Variants in ADAMTS5 observed in about 807,000 individuals in gnomAD.
The protein encoded by ADAMTS5 is ADAM metallopeptidase with thrombospondin type 1 motif 5, also known as A disintegrin and metalloproteinase with thrombospondin motifs 5.
Under a neutral mutation model 81.4 loss-of-function variants are expected in ADAMTS5, and 54 were observed. The observed-to-expected ratio is 0.66, with a 90% CI of 0.53 to 0.83. The LOEUF (loss-of-function observed/expected upper bound fraction) is 0.83. Ranked by LOEUF, ADAMTS5 falls within the 40% of genes least tolerant of loss-of-function variation. ADAMTS5 has a pLI of 0.00. For synonymous variants in ADAMTS5, 532 were observed against 508.8 expected (o/e 1.05, Z -0.61); for missense variants, 1,194 against 1,229.9 (o/e 0.97, Z 0.44).
At position 26,920,301 on chromosome 21, in the gene ADAMTS5, C is replaced by T. The variant is rs548877498; in HGVS notation, c.*3752G>A. 42 of 152,216 alleles carry T rather than the reference C, an allele frequency of 2.8e-4. No homozygotes were observed. The highest frequency in any genetic ancestry group is 9.9e-4 in the African/African-American group (41 of 41,558). The allele number at this position is 152,216 out of a possible 1,614,324, so 9.4% of individuals were successfully genotyped here. ...TTGCCAGGATCAGACTGTGAAATCACAGAGGCAAGCTGATGTCATCAGAGG... is the reference window on the plus strand; with the variant it reads ...TTGCCAGGATCAGACTGTGAAATCATAGAGGCAAGCTGATGTCATCAGAGG... On this transcript the variant is annotated 3_prime_UTR_variant, in exon 8 of 8. Coordinates refer to ENST00000284987, the MANE Select transcript of ADAMTS5 (RefSeq NM_007038.5).
chr21:26,953,939 G>C (rs1987369123), intron 2 of ADAMTS5: 1 of 153,640 alleles, frequency 6.5e-6, no homozygotes. Context: ...TAGGTATAAA[G>C]TAATTTAGCA....
chr21:26,948,921 C>T (rs1987265970), intron 2 of ADAMTS5, among the ~76,000 whole-genome samples: 1 of 152,096 alleles, frequency 6.6e-6, no homozygotes, highest in African/African-American at 2.4e-5. Context: ...AGAAAGTACC[C>T]TGTGTGTTAG....
Position 26,923,790 on chromosome 21 carries a change from T to TTTACA in ADAMTS5, c.*258_*262dup, listed in dbSNP as rs1235243140. 2 of 379,862 alleles carry TTTACA rather than the reference T, an allele frequency of 5.3e-6. No homozygotes were observed. Among genetic ancestry groups the TTTACA allele is most frequent in the Non-Finnish European group, 9.6e-6 (2 of 209,082 alleles). The allele number at this position is 379,862 out of a possible 1,614,324, so 23.5% of individuals were successfully genotyped here. On this transcript the variant is annotated 3_prime_UTR_variant, in exon 8 of 8. Coordinates refer to ENST00000284987, the MANE Select transcript of ADAMTS5 (RefSeq NM_007038.5). Reference sequence around the variant, plus strand: ...CTGCCATCTTCAAATGTCCCCTGATTTTACATTCATCAGTGTTTCTTGTAA... The same window carrying TTTACA: ...CTGCCATCTTCAAATGTCCCCTGATTTTACATTACATTCATCAGTGTTTCTTGTAA...
rs769543144 is a variant in ADAMTS5 at position 26,932,985 on chromosome 21, A to C, written c.1749T>G (p.Cys583Trp). The change falls in exon 5 of 8, where the codon TGT becomes TGG. Residue 583 changes from cysteine (C) to tryptophan (W), a missense_variant. Cys to Trp is a radical substitution (Grantham distance 215). Transcript: ENST00000284987. ...WGSWGQCSRS[C>W]GGGVQFAYRH... ...GATAGGCAAACTGCACTCCTCCTCC[A>C]CATGAGCGAGAACACTGGCCCCAGG... 1.2e-6 allele frequency: 2 copies of C among 1,614,028 alleles called. No homozygotes were observed. The highest frequency in any genetic ancestry group is 1.7e-6 in the Non-Finnish European group (2 of 1,179,994).
At chr21:26,937,120 A>T (rs1987029537) in intron 3 of ADAMTS5, among the ~76,000 whole-genome samples, 1 of 152,154 alleles carries the variant, frequency 6.6e-6, no homozygotes, top group Non-Finnish European at 1.5e-5. Context: ...AGTCAAAATA[A>T]CTCACCACCT....
chr21:26,940,703 T>C (rs1987098176), intron 3 of ADAMTS5, among the ~76,000 whole-genome samples: 1 of 152,126 alleles, frequency 6.6e-6, no homozygotes, highest in Admixed American at 6.5e-5. Context: ...ATGAGTAAAG[T>C]TAAAAGGTTT....
intron 7 of ADAMTS5, among the ~76,000 whole-genome samples, chr21:26,926,217 C>T (rs1986803198): frequency 6.6e-6 from 1 of 152,174 alleles, no homozygotes; most frequent in Non-Finnish European, 1.5e-5. Context: ...GCAGTGAGTG[C>T]ACCACTGCAC....
intron 3 of ADAMTS5, 103 bp from the exon 4 acceptor site, chr21:26,934,852 G>T: frequency 6.8e-7 from 1 of 1,465,984 alleles, no homozygotes; most frequent in South Asian, 1.3e-5. Context: ...TGGAGCACGA[G>T]GCACCCATGA....
rs1986632464 is a variant in ADAMTS5, at chr21:26,918,856, C to T, written c.*5197G>A. The T allele has an allele frequency of 6.6e-6, 1 of 151,628 alleles. No individual in the cohort carries two copies. Among genetic ancestry groups the T allele is most frequent in the South Asian group, 2.1e-4 (1 of 4,790 alleles). The allele number at this position is 151,628 out of a possible 1,614,324, so 9.4% of individuals were successfully genotyped here. On this transcript the variant is annotated 3_prime_UTR_variant, in exon 8 of 8. Coordinates refer to ENST00000284987, the MANE Select transcript of ADAMTS5 (RefSeq NM_007038.5). ...GACAGTTTGAATGGAATGCTGAGGA[C>T]TTAGTGAATGCTGAAATATGACTCA...
At chr21:26,942,368 T>C (rs1463993429) in intron 3 of ADAMTS5, among the ~76,000 whole-genome samples, 4 of 152,188 alleles carry the variant, frequency 2.6e-5, no homozygotes, top group African/African-American at 9.6e-5. Context: ...TATTCAACTT[T>C]GAACCGTATA....
At chr21:26,952,534 G>T (rs1987340224) in intron 2 of ADAMTS5, among the ~76,000 whole-genome samples, 1 of 152,208 alleles carries the variant, frequency 6.6e-6, no homozygotes, top group Non-Finnish European at 1.5e-5. Context: ...AAGCATCCCT[G>T]AAGAAGCTGC....
intron 3 of ADAMTS5, among the ~76,000 whole-genome samples, chr21:26,942,737 GT>G: frequency 6.6e-6 from 1 of 152,242 alleles, no homozygotes; most frequent in South Asian, 2.1e-4. Context: ...AATAAAGTAT[GT>G]TGTGCTCTTG....
chr21:26,926,806 A>G (rs1986813946), intron 7 of ADAMTS5, among the ~76,000 whole-genome samples: 1 of 152,190 alleles, frequency 6.6e-6, no homozygotes, highest in Non-Finnish European at 1.5e-5. Flanking sequence ...TTATGTGCAG[A>G]GTTTAAATGA....
rs939859127 is a variant in ADAMTS5 at position 26,966,754 on chromosome 21, C to A, written c.-363G>T. Among the ~76,000 whole-genome samples, 1 of 151,762 alleles carries A rather than the reference C, an allele frequency of 6.6e-6. No homozygotes were observed. Among genetic ancestry groups the A allele is most frequent in the Non-Finnish European group, 1.5e-5 (1 of 67,980 alleles). ...CCAAATGCAGGCACGATCGCTGTTTCAAGAAAAGTAAGGAAAGGTACCGCG... is the reference window on the plus strand; with the variant it reads ...CCAAATGCAGGCACGATCGCTGTTTAAAGAAAAGTAAGGAAAGGTACCGCG... On this transcript the variant is annotated 5_prime_UTR_variant, in exon 1 of 8. Coordinates refer to ENST00000284987, the MANE Select transcript of ADAMTS5 (RefSeq NM_007038.5).
At chr21:26,949,689 G>A (rs1016216004) in intron 2 of ADAMTS5, among the ~76,000 whole-genome samples, 1 of 152,150 alleles carries the variant, frequency 6.6e-6, no homozygotes, top group African/African-American at 2.4e-5. Context: ...ACTGACAATA[G>A]ACACAAAATC....
intron 3 of ADAMTS5, among the ~76,000 whole-genome samples, chr21:26,940,562 C>T (rs1281784978): frequency 6.6e-6 from 1 of 152,074 alleles, no homozygotes; most frequent in East Asian, 1.9e-4. Context: ...TCTAAAGTCT[C>T]CCCACCCTCA....
chr21:26,929,914 T>C lies in ADAMTS5; in HGVS notation c.2197A>G (p.Lys733Glu). The C allele has an allele frequency of 6.2e-7, 1 of 1,614,104 alleles. No individual in the cohort carries two copies. The highest frequency in any genetic ancestry group is 8.5e-7 in the Non-Finnish European group (1 of 1,179,952). ...TTCTTATTAAAGGTTCCAACAATCT[T>C]TGTACAGCTGGAGTTGTCTCCTCCA... Reference protein sequence around the residue: ...VCGGDNSSCTKIVGTFNKKSK... With the variant: ...VCGGDNSSCTEIVGTFNKKSK... Residue 733 changes from lysine to glutamate, a missense_variant, in exon 7 of 8, where the codon AAG becomes GAG. This residue lies in a region of ADAMTS5 where 696 missense variants were observed against 817.6 expected (regional missense o/e 0.85). Transcript: ENST00000284987.
intron 3 of ADAMTS5, among the ~76,000 whole-genome samples, chr21:26,936,206 C>A (rs1987010791): frequency 6.6e-6 from 1 of 152,138 alleles, no homozygotes; most frequent in Non-Finnish European, 1.5e-5. Context: ...ATGGAAGAAA[C>A]ACCCAGTCTG....
In ADAMTS5 at chr21:26,966,262, G is replaced by A; in HGVS notation, c.130C>T (p.Arg44Cys). The change falls in exon 1 of 8, where the codon CGC (arginine) becomes TGC (cysteine). Residue 44 changes from arginine to cysteine, a missense_variant. Physicochemically the swap from Arg to Cys is radical, Grantham distance 180. This residue lies in a region of ADAMTS5 where 498 missense variants were observed against 412.3 expected (regional missense o/e 1.21). Transcript: ENST00000284987. ...TGCACCTCCTCCCCCTGCCGCCGGC[G>A]GGGCTGGGCGGCTGCTGCAGCAGTC... ...PPTAAAAAQP[R>C]RRQGEEVQER... 6.3e-7 allele frequency: 1 copy of A among 1,581,366 alleles called. No individual in the cohort carries two copies.
Sources: gnomAD v4.1 joint callset for allele counts (sites outside exome capture counted in the v4.1 genomes callset) on GRCh38, gnomAD v4.1.1 for gene constraint, gnomAD v4.1.1 regional missense constraint, MANE v1.5 for transcripts, NCBI Gene and HGNC (gene_info 2026-07-23, HGNC 2026-07-21) for gene names.